The following NUP62 variants were observed in gnomAD, a reference collection of about 807,000 sequenced individuals.
The protein encoded by NUP62 is nucleoporin 62.
For synonymous variants in NUP62, 305 were observed against 303.4 expected (o/e 1.01, Z -0.05); for missense variants, 647 against 689.4 (o/e 0.94, Z 0.69).
Position 49,909,599 on chromosome 19 carries a change from T to C in NUP62, c.209A>G (p.Gln70Arg). 1 of 1,614,004 alleles carries C rather than the reference T, an allele frequency of 6.2e-7. No homozygotes were observed. The highest frequency in any genetic ancestry group is 8.5e-7 in the Non-Finnish European group (1 of 1,179,972). ...TGTTCCAAAAGTGAAGCCTGTCGTC[T>C]GTGTGGCCGGAGTCTGGGTGGCAAG... ...FSLATQTPAT[Q>R]TTGFTFGTAT... Residue 70 changes from glutamine to arginine, a missense_variant, in exon 3 of 3, where the codon CAG (glutamine) becomes CGG (arginine). Coordinates refer to ENST00000352066, the MANE Select transcript of NUP62 (RefSeq NM_016553.5).
At chr19:49,922,457 G>A (rs1325018048) in intron 2 of NUP62, among the ~76,000 whole-genome samples, 2 of 152,166 alleles carry the variant, frequency 1.3e-5, no homozygotes, top group East Asian at 1.9e-4. Context: ...GGACCGGGCT[G>A]TGTCGGAATG....
chr19:49,908,167 A>C lies in NUP62; in HGVS notation c.*72T>G. 1 of 1,576,222 alleles carries C rather than the reference A, an allele frequency of 6.3e-7. No individual in the cohort carries two copies. Among genetic ancestry groups the C allele is most frequent in the South Asian group, 1.1e-5 (1 of 88,376 alleles). ...CAAACAAGTATCTTGCCACAACCCC[A>C]AACTACAGACAACAGGGCGCATTCC... On this transcript the variant is annotated 3_prime_UTR_variant, in exon 3 of 3. Transcript: ENST00000352066.
At chr19:49,914,794 T>C (rs1404214164) in intron 2 of NUP62, among the ~76,000 whole-genome samples, 2 of 130,114 alleles carry the variant, frequency 1.5e-5, no homozygotes, top group Non-Finnish European at 3.1e-5. Flanking sequence ...GGCTGGAGTG[T>C]GGTGGTGCGA....
chr19:49,911,888 G>A (rs1300341611), intron 2 of NUP62, among the ~76,000 whole-genome samples: 1 of 152,196 alleles, frequency 6.6e-6, no homozygotes, highest in Admixed American at 6.6e-5. Flanking sequence ...GCTGGGGCCT[G>A]GCCCGGCCTA....
chr19:49,915,263 T>C (rs899852348), intron 2 of NUP62, among the ~76,000 whole-genome samples: 1 of 152,066 alleles, frequency 6.6e-6, no homozygotes, highest in Non-Finnish European at 1.5e-5. Context: ...GTGATGAAGA[T>C]AAAGAGGTTA....
At chr19:49,924,814 G>T (rs573662710) in intron 2 of NUP62, among the ~76,000 whole-genome samples, 159 of 152,330 alleles carry the variant, frequency 1.0e-3, no homozygotes, top group Middle Eastern at 3.4e-3. Flanking sequence ...GCTAAGTCTG[G>T]CTGGGCTGAA....
chr19:49,914,159 A>G (rs1472900740), intron 2 of NUP62, among the ~76,000 whole-genome samples: 1 of 152,204 alleles, frequency 6.6e-6, no homozygotes, highest in African/African-American at 2.4e-5. Context: ...GGCAAAAAAC[A>G]AAAAACAAAA....
chr19:49,916,356 T>A (rs1027053017), intron 2 of NUP62, among the ~76,000 whole-genome samples: 275 of 145,098 alleles, frequency 1.9e-3, no homozygotes, highest in African/African-American at 5.6e-3. Flanking sequence ...TCTTTTGTAT[T>A]TTTTTTTTTT....
At chr19:49,910,526 A>C (rs2075437399) in intron 2 of NUP62, among the ~76,000 whole-genome samples, 1 of 152,164 alleles carries the variant, frequency 6.6e-6, no homozygotes, top group Non-Finnish European at 1.5e-5. Flanking sequence ...GATTGGCTCA[A>C]GGATAAACTG....
rs918512216 is a variant in NUP62 at position 49,921,540 on chromosome 19, G to A, written c.-78+6154C>T. The stretch of plus-strand genomic sequence containing the variant: ...GCCTGCAGGGAAGAGAGGGGCGTCC[G>A]CTGCTCGCCAACCCCCATACGTTCC... On this transcript the variant is annotated intron_variant, in intron 2 of 2. Transcript: ENST00000352066. The surrounding 1 kb of genome is among the most constrained non-coding windows in gnomAD (Gnocchi z 5.4). Among the ~76,000 whole-genome samples, 3 of 152,180 alleles carry A rather than the reference G, an allele frequency of 2.0e-5. No homozygotes were observed. Among genetic ancestry groups the A allele is most frequent in the African/African-American group, 4.8e-5 (2 of 41,448 alleles).
chr19:49,916,511 C>T (rs543727552), intron 2 of NUP62, among the ~76,000 whole-genome samples: 6 of 151,882 alleles, frequency 4.0e-5, no homozygotes, highest in East Asian at 3.9e-4. Flanking sequence ...CGGTGGCTCA[C>T]GCCTGTAATC....
rs1346734352 is a variant in NUP62, at chr19:49,909,621, C to T, written c.187G>A (p.Ala63Thr). The T allele has an allele frequency of 6.2e-7, 1 of 1,614,158 alleles. No homozygotes were observed. The highest frequency in any genetic ancestry group is 1.1e-5 in the South Asian group (1 of 91,082). ...GTCTGTGTGGCCGGAGTCTGGGTGG[C>T]AAGTGAGAACAGGCCGGTGGAAGGG... ...STPSTGLFSL[A>T]TQTPATQTTG... Residue 63 changes from alanine (A) to threonine (T), a missense_variant, in exon 3 of 3, where the codon GCC becomes ACC. Coordinates refer to ENST00000352066, the MANE Select transcript of NUP62 (RefSeq NM_016553.5).
chr19:49,927,423 G>T (rs2075926138), intron 2 of NUP62, among the ~76,000 whole-genome samples: 1 of 152,112 alleles, frequency 6.6e-6, no homozygotes, highest in Non-Finnish European at 1.5e-5. Context: ...GCATGTTTTG[G>T]TAAGGTTTAC....
Position 49,908,529 on chromosome 19 carries a change from C to T in NUP62, c.1279G>A (p.Asp427Asn), listed in dbSNP as rs1056692605. 18 of 1,614,068 alleles carry T rather than the reference C, an allele frequency of 1.1e-5. No homozygotes were observed. In the Admixed American group the frequency reaches 3.0e-4, roughly 27 times the overall value. The change falls in exon 3 of 3, where the codon GAT (aspartate) becomes AAT (asparagine). Residue 427 changes from aspartate (D) to asparagine (N), a missense_variant. Coordinates refer to ENST00000352066, the MANE Select transcript of NUP62 (RefSeq NM_016553.5). ...TTGTAGGTTTTCTCACGCTCCTCAT[C>T]CGCGTGCTGCAGGTAGATGGTCCCG... The part of the protein sequence containing the change: ...QSGTIYLQHA[D>N]EEREKTYKLA...
chr19:49,923,544 TCA>T (rs894783444), intron 2 of NUP62, among the ~76,000 whole-genome samples: 283 of 152,124 alleles, frequency 1.9e-3, no homozygotes, highest in African/African-American at 6.4e-3. Flanking sequence ...ACAGAGAGAA[TCA>T]CACACAGACC....
intron 2 of NUP62, among the ~76,000 whole-genome samples, chr19:49,923,551 C>T (rs1152234): frequency 1.3e-5 from 2 of 152,142 alleles, no homozygotes; most frequent in African/African-American, 4.8e-5. Flanking sequence ...GAATCACACA[C>T]AGACCCGGGC....
In NUP62 at chr19:49,909,448, G is replaced by T; in HGVS notation, c.360C>A (p.Asn120Lys). ...NPSGFGLGSS[N>K]LTNAISSTVT... ...CGGTGCTCGATATGGCATTAGTGAG[G>T]TTGCTGCTGCCCAGCCCAAAGCCGC... The change falls in exon 3 of 3, where the codon AAC becomes AAA. Residue 120 changes from asparagine to lysine, a missense_variant. Asn to Lys is a moderately conservative substitution (Grantham distance 94). Coordinates refer to ENST00000352066, the MANE Select transcript of NUP62 (RefSeq NM_016553.5). The T allele has an allele frequency of 3.1e-6, 5 of 1,614,106 alleles. No homozygotes were observed. The highest frequency in any genetic ancestry group is 1.3e-5 in the African/African-American group (1 of 75,030).
At chr19:49,924,719 G>A (rs2075844046) in intron 2 of NUP62, among the ~76,000 whole-genome samples, 1 of 152,188 alleles carries the variant, frequency 6.6e-6, no homozygotes, top group African/African-American at 2.4e-5. Flanking sequence ...GGCAACCACT[G>A]ATGACCGGCT....
At chr19:49,913,906 G>A (rs1367895115) in intron 2 of NUP62, among the ~76,000 whole-genome samples, 1 of 152,188 alleles carries the variant, frequency 6.6e-6, no homozygotes, top group African/African-American at 2.4e-5. Context: ...ATGAACCGTA[G>A]GGGTAGAGGC....
Sources: allele counts gnomAD v4.1 joint callset (sites outside exome capture counted in the v4.1 genomes callset), GRCh38; gene constraint gnomAD v4.1.1; non-coding constraint Gnocchi (gnomAD v3.1); transcripts MANE v1.5; gene names NCBI Gene and HGNC (gene_info 2026-07-23, HGNC 2026-07-21).